Variants in MAP4 observed in about 807,000 individuals in gnomAD.
The protein encoded by MAP4 is microtubule-associated protein 4.
Under a neutral mutation model 170.2 loss-of-function variants are expected in MAP4, and 76 were observed. The observed-to-expected ratio is 0.45, with a 90% CI of 0.37 to 0.54. The LOEUF is 0.54. Ranked by LOEUF, MAP4 falls within the 20% of genes least tolerant of loss-of-function variation. The probability of loss-of-function intolerance (pLI) is 0.00; values close to 1 mark genes in which losing one functional copy is unlikely to be tolerated. For synonymous variants in MAP4, 909 were observed against 994.5 expected, an observed-to-expected ratio of 0.91 and a Z score of 1.62; for missense variants, 2,506 against 2,748.0, an observed-to-expected ratio of 0.91 and a Z score of 1.97.
At chr3:47,862,537 G>A (rs2069110492) in intron 17 of MAP4, among the ~76,000 whole-genome samples, 1 of 151,954 alleles carries the variant, frequency 6.6e-6, no homozygotes, top group South Asian at 2.1e-4. Flanking sequence ...GAGTGCAGTG[G>A]CGTGATCTTG....
chr3:47,885,886 G>A (rs898033185), intron 10 of MAP4, among the ~76,000 whole-genome samples: 3 of 152,034 alleles, frequency 2.0e-5, no homozygotes. Context: ...CTGCCACCAC[G>A]CCCAACTAAT....
Position 47,978,006 on chromosome 3 carries a change from TAATG to T in MAP4, c.224-77_224-74del, listed in dbSNP as rs543356517. 93 of 955,402 alleles carry T rather than the reference TAATG, an allele frequency of 9.7e-5. 1 individual carries two copies. The African/African-American group carries it at 1.4e-3, about 15-fold the overall frequency. The allele number at this position is 955,402 out of a possible 1,614,324, so 59.2% of individuals were successfully genotyped here. On this transcript the variant is annotated intron_variant, in intron 2 of 20. Coordinates refer to ENST00000683076, the MANE Select transcript of MAP4 (RefSeq NM_001385682.1). ...AAAACAGATCCAACCACTGTCTTATTAATGGAGTTTTTCTCACTCTTTGTAGCAT... is the reference window on the plus strand; with the variant it reads ...AAAACAGATCCAACCACTGTCTTATTGAGTTTTTCTCACTCTTTGTAGCAT...
rs1475853034 is a variant in MAP4, at chr3:47,918,848, T to C, written c.530-7A>G. 2 of 1,608,798 alleles carry C rather than the reference T, an allele frequency of 1.2e-6. No homozygotes were observed. The highest frequency in any genetic ancestry group is 4.5e-5 in the East Asian group (2 of 44,786). ...GTGTTGCAGGGAGACATACCTAATATTGAAACACAAACAAATACATTTTGA... is the reference window on the plus strand; with the variant it reads ...GTGTTGCAGGGAGACATACCTAATACTGAAACACAAACAAATACATTTTGA... On this transcript the variant is annotated splice_region_variant and splice_polypyrimidine_tract_variant and intron_variant, in intron 5 of 20. Coordinates refer to ENST00000683076, the MANE Select transcript of MAP4 (RefSeq NM_001385682.1).
intron 4 of MAP4, 151 bp from the exon 5 acceptor site, chr3:47,922,029 C>T: frequency 3.7e-6 from 2 of 541,254 alleles, no homozygotes; most frequent in South Asian, 5.3e-5. Flanking sequence ...TTCACTGCAA[C>T]CTCTACCTCC....
chr3:47,885,874 G>A (rs1272179116), intron 10 of MAP4, among the ~76,000 whole-genome samples: 1 of 151,994 alleles, frequency 6.6e-6, no homozygotes, highest in Non-Finnish European at 1.5e-5. Context: ...GACTACAGGC[G>A]CCTGCCACCA....
At chr3:47,942,930 C>A (rs1294081675) in intron 3 of MAP4, among the ~76,000 whole-genome samples, 1 of 152,014 alleles carries the variant, frequency 6.6e-6, no homozygotes, top group African/African-American at 2.4e-5. Context: ...GGCAATGTAG[C>A]AAGACCCCAA....
intron 2 of MAP4, among the ~76,000 whole-genome samples, chr3:47,995,775 T>C (rs1395533752): frequency 6.6e-6 from 1 of 152,088 alleles, no homozygotes; most frequent in African/African-American, 2.4e-5. Flanking sequence ...AGCCACCTAG[T>C]AGTATGAAAT....
chr3:47,954,013 C>CA (rs1559586189), intron 3 of MAP4, among the ~76,000 whole-genome samples: 7 of 136,156 alleles, frequency 5.1e-5, no homozygotes, highest in South Asian at 2.4e-4. Context: ...GACTCTGTCT[C>CA]AAAAAAACAA....
intron 1 of MAP4, among the ~76,000 whole-genome samples, chr3:48,059,807 C>T (rs2100134251): frequency 6.6e-6 from 1 of 151,842 alleles, no homozygotes; most frequent in Admixed American, 6.6e-5. Flanking sequence ...ATGGTGAAAC[C>T]CCATCTCTAC....
intron 1 of MAP4, among the ~76,000 whole-genome samples, chr3:48,061,674 C>T (rs1481799563): frequency 6.6e-6 from 1 of 152,012 alleles, no homozygotes; most frequent in Non-Finnish European, 1.5e-5. Context: ...TGTGAGGAGC[C>T]CCTCTGCCCG....
chr3:47,974,319 G>A (rs1003263414), intron 3 of MAP4: 5 of 363,634 alleles, frequency 1.4e-5, no homozygotes, highest in African/African-American at 1.1e-4. Flanking sequence ...CAGCTACTTG[G>A]GAGGCTGAGG....
intron 19 of MAP4, chr3:47,854,990 A>G (rs2052433838): frequency 6.4e-6 from 3 of 468,864 alleles, no homozygotes; most frequent in African/African-American, 3.8e-5. Context: ...GATGGGCTCA[A>G]TTAGGAAGGC....
Position 47,937,021 on chromosome 3 carries a change from G to A in MAP4, c.293-8671C>T, listed in dbSNP as rs115554443. 4.0e-3 allele frequency among the ~76,000 whole-genome samples: 602 copies of A among 151,022 alleles called. 5 individuals are homozygous for A. Among genetic ancestry groups the A allele is most frequent in the African/African-American group, 0.014 (584 of 41,150 alleles). Reference sequence around the variant, plus strand: ...AAGAAAAGAAAGAAAACAGAATCAGGAGACCCAGGTTCTAATCTTGACTCT... The same window carrying A: ...AAGAAAAGAAAGAAAACAGAATCAGAAGACCCAGGTTCTAATCTTGACTCT... On this transcript the variant is annotated intron_variant, in intron 3 of 20. Coordinates refer to ENST00000683076, the MANE Select transcript of MAP4 (RefSeq NM_001385682.1).
chr3:48,012,177 T>C (rs2100105630), intron 1 of MAP4, among the ~76,000 whole-genome samples: 2 of 152,168 alleles, frequency 1.3e-5, no homozygotes, highest in Non-Finnish European at 2.9e-5. Flanking sequence ...CACACTCCCA[T>C]TCTGAACCAA....
chr3:48,080,948 C>T (rs1029773450), intron 1 of MAP4, among the ~76,000 whole-genome samples: 10 of 152,188 alleles, frequency 6.6e-5, no homozygotes, highest in African/African-American at 2.4e-4. Flanking sequence ...CACGGTGAAA[C>T]CCCGTCTCTA....
At chr3:47,960,417 C>A (rs2154166847) in intron 3 of MAP4, 1 of 226,264 alleles carries the variant, frequency 4.4e-6, no homozygotes, top group South Asian at 8.2e-5. Flanking sequence ...GCGCTAAATT[C>A]AAAAAGTACC....
chr3:48,009,073 G>A (rs1478731287), intron 1 of MAP4, among the ~76,000 whole-genome samples: 2 of 152,134 alleles, frequency 1.3e-5, no homozygotes, highest in African/African-American at 4.8e-5. Flanking sequence ...ACTACCATTT[G>A]TGGAATGTTT....
intron 1 of MAP4, among the ~76,000 whole-genome samples, chr3:48,062,247 A>G (rs1364893053): frequency 1.3e-5 from 2 of 152,166 alleles, no homozygotes; most frequent in Non-Finnish European, 2.9e-5. Flanking sequence ...TCAGGGTTAA[A>G]TGGATTAAGG....
chr3:48,053,076 G>A (rs1226127701), intron 1 of MAP4, among the ~76,000 whole-genome samples: 1 of 152,086 alleles, frequency 6.6e-6, no homozygotes, highest in Admixed American at 6.6e-5. Flanking sequence ...TCATTAAGTG[G>A]TTTTATAATT....
Sources: gnomAD v4.1 joint callset for allele counts (sites outside exome capture counted in the v4.1 genomes callset) on GRCh38, gnomAD v4.1.1 for gene constraint, MANE v1.5 for transcripts, NCBI Gene and HGNC (gene_info 2026-07-23, HGNC 2026-07-21) for gene names.